MYH4: variants seen among roughly 807,000 people sequenced by gnomAD.
MYH4 encodes myosin heavy chain 4, also known as myosin-4.
In MYH4, 200 loss-of-function variants were observed where a neutral mutation model predicts 229.9. The ratio of observed to expected loss-of-function variants is 0.87; its 90% CI spans 0.78 to 0.98. The LOEUF is 0.98. MYH4 is among the 50% of genes least tolerant of loss of function. The pLI is 0.00. For missense variants in MYH4, 2,148 were observed against 2,332.6 expected, an observed-to-expected ratio of 0.92 and a Z score of 1.63; for synonymous variants, 761 against 834.6, an observed-to-expected ratio of 0.91 and a Z score of 1.52.
At chr17:10,452,637 A>C in intron 25 of MYH4, 131 bp from the exon 26 acceptor site, 1 of 1,223,200 alleles carries the variant, frequency 8.2e-7, no homozygotes, top group Non-Finnish European at 1.1e-6. Context: ...CAGATTAATA[A>C]TTGTATTAGT....
intron 36 of MYH4, 24 bp downstream of exon 36, chr17:10,445,213 A>G: frequency 1.2e-6 from 2 of 1,614,154 alleles, no homozygotes; most frequent in Non-Finnish European, 1.7e-6. Context: ...ATGTGTCAGT[A>G]AGACAAATGC....
chr17:10,460,801 G>T (rs1177894904), intron 12 of MYH4, 115 bp downstream of exon 12: 2 of 1,065,764 alleles, frequency 1.9e-6, no homozygotes, highest in Non-Finnish European at 2.7e-6. Flanking sequence ...TTTCCTTCTC[G>T]TAATACTTTT....
Position 10,461,242 on chromosome 17 carries a change from C to A in MYH4, c.1009-188G>T, listed in dbSNP as rs115199017. Among the ~76,000 whole-genome samples, 543 of 152,222 alleles carry A rather than the reference C, an allele frequency of 3.6e-3. 6 individuals carry two copies. The highest frequency in any genetic ancestry group is 0.012 in the African/African-American group (507 of 41,526). ...CATGGCAACACGAAGAGGTATGCAT[C>A]AGTCTTTCCATTTGAGTCATGAGTC... On this transcript the variant is annotated intron_variant, in intron 11 of 39. Coordinates refer to ENST00000255381, the MANE Select transcript of MYH4 (RefSeq NM_017533.2).
rs912799280 is a variant in MYH4, at chr17:10,463,394, A to G, written c.749T>C (p.Phe250Ser). The G allele has an allele frequency of 1.3e-5, 21 of 1,612,518 alleles. No homozygotes were observed. The highest frequency in any genetic ancestry group is 1.7e-5 in the Admixed American group (1 of 59,820). ...RNDNSSRFGK[F>S]IRIHFGATGK... ...TGTGGCACCAAAATGGATCCTGATG[A>G]ATTTACCCTTAAAAAAGAAAAGGAG... The change falls in exon 9 of 40, where the codon TTC (phenylalanine) becomes TCC (serine). Residue 250 changes from phenylalanine to serine, a missense_variant. Transcript: ENST00000255381.
chr17:10,460,834 G>A, intron 12 of MYH4, 82 bp downstream of exon 12: 2 of 1,494,870 alleles, frequency 1.3e-6, no homozygotes, highest in Non-Finnish European at 1.8e-6. Flanking sequence ...CTAGGTCAGA[G>A]AAAGTAAAAA....
In MYH4 at chr17:10,452,187, C is replaced by T. The variant is rs200035231; in HGVS notation, c.3492G>A (p.Gln1164=). 1.2e-6 allele frequency: 2 copies of T among 1,613,922 alleles called. No individual in the cohort carries two copies. Among genetic ancestry groups the T allele is most frequent in the Admixed American group, 3.3e-5 (2 of 60,026 alleles). ...LEEAGGATSA[Q]IEMNKKREAE... ...CCTCCCGCTTCTTGTTCATCTCAAT[C>T]TGGGCTGAAGTGGCCCCACCGGCTT... is the stretch of plus-strand genomic sequence containing the variant. Residue 1164 remains glutamine (Q), a synonymous_variant, in exon 27 of 40, where the codon CAG becomes CAA. Transcript: ENST00000255381.
chr17:10,445,662 T>C (rs2072504234), intron 35 of MYH4, among the ~76,000 whole-genome samples: 1 of 152,080 alleles, frequency 6.6e-6, no homozygotes, highest in Admixed American at 6.5e-5. Context: ...ACACCACAGC[T>C]CATTTAAAAT....
Position 10,467,927 on chromosome 17 carries a change from C to T in MYH4, c.-39-1143G>A, listed in dbSNP as rs149232359. Among the ~76,000 whole-genome samples, 540 of 152,276 alleles carry T rather than the reference C, an allele frequency of 3.5e-3. 4 individuals carry two copies. The highest frequency in any genetic ancestry group is 0.012 in the African/African-American group (484 of 41,546). The stretch of plus-strand genomic sequence containing the variant: ...CCAATGACAATGACAGCAATGATGG[C>T]GACAACAGCAATAGCCACCACCTTC... On this transcript the variant is annotated intron_variant, in intron 2 of 39. Transcript: ENST00000255381.
In MYH4 at chr17:10,444,970, A is replaced by T; in HGVS notation, c.5466+6T>A. 2 of 1,613,986 alleles carry T rather than the reference A, an allele frequency of 1.2e-6. No homozygotes were observed. The highest frequency in any genetic ancestry group is 1.7e-6 in the Non-Finnish European group (2 of 1,179,988). On this transcript the variant is annotated splice_donor_region_variant and intron_variant, in intron 37 of 39. Transcript: ENST00000255381. ...CAAGGAATTGAGTGAAGTTGTGGAG[A>T]CCTACCCTGGCCTCCAGTTTCTGGA...
Position 10,453,821 on chromosome 17 carries a change from A to G in MYH4, c.2756T>C (p.Leu919Pro). Residue 919 changes from leucine (L) to proline (P), a missense_variant, in exon 23 of 40, where the codon CTT becomes CCT. Coordinates refer to ENST00000255381, the MANE Select transcript of MYH4 (RefSeq NM_017533.2). ...CDQLIKTKIQ[L>P]EAKIKEVTER... ...AGTTACCTCTTTGATTTTGGCCTCA[A>G]GTTGGATTTTGGTTTTAATCAACTG... 1 of 1,614,090 alleles carries G rather than the reference A, an allele frequency of 6.2e-7. No homozygotes were observed.
At chr17:10,464,823 A>G (rs752377831) in intron 5 of MYH4, 115 bp from the exon 6 acceptor site, 17 of 1,010,168 alleles carry the variant, frequency 1.7e-5, no homozygotes, top group African/African-American at 3.3e-5. Context: ...AAAAATAACT[A>G]TATGAATTTG....
intron 24 of MYH4, 94 bp from the exon 25 acceptor site, chr17:10,453,026 T>C: frequency 1.3e-6 from 2 of 1,584,230 alleles, no homozygotes; most frequent in Non-Finnish European, 1.7e-6. Flanking sequence ...AATTTAAAGA[T>C]ACAACAAATA....
rs764278490 is a variant in MYH4 at position 10,450,916 on chromosome 17, A to G, written c.3866-21T>C. 146 of 1,549,208 alleles carry G rather than the reference A, an allele frequency of 9.4e-5. 1 individual carries two copies. Among genetic ancestry groups the G allele is most frequent in the Non-Finnish European group, 1.3e-4 (142 of 1,121,530 alleles). The stretch of plus-strand genomic sequence containing the variant: ...CTCACCTGTGGAAGACAAAACATCA[A>G]TGATTTAGTTCTGTTGTCTAGGTAA... On this transcript the variant is annotated intron_variant, in intron 28 of 39. Coordinates refer to ENST00000255381, the MANE Select transcript of MYH4 (RefSeq NM_017533.2).
intron 4 of MYH4, among the ~76,000 whole-genome samples, 172 bp from the exon 5 acceptor site, chr17:10,465,770 C>CTTTTTTTT (rs957442606): frequency 1.1e-3 from 106 of 97,978 alleles, no homozygotes; most frequent in East Asian, 2.0e-3. Context: ...TTCAGTTTTT[C>CTTTTTTTT]TTTTTTTTTT....
At position 10,443,480 on chromosome 17, in the gene MYH4, G is replaced by A. The variant is rs199944954; in HGVS notation, c.5715C>T (p.His1905=). ...CCCGTTCCTTGGCCTCCTCCAGCTC[G>A]TGCTGGAGCTTGCGGAACTTGGCAA... ...VNLAKFRKLQ[H]ELEEAKERAD... Residue 1905 remains histidine, a synonymous_variant, in exon 40 of 40, where the codon CAC becomes CAT. Transcript: ENST00000255381. The surrounding 1 kb of genome is among the most constrained non-coding windows in gnomAD (Gnocchi z 4.6). The A allele has an allele frequency of 5.0e-6, 8 of 1,614,052 alleles. No individual in the cohort carries two copies. The highest frequency in any genetic ancestry group is 4.2e-6 in the Non-Finnish European group (5 of 1,179,924).
At chr17:10,459,902 T>C (rs1348908741) in intron 14 of MYH4, 50 bp downstream of exon 14, 1 of 1,612,962 alleles carries the variant, frequency 6.2e-7, no homozygotes, top group East Asian at 2.2e-5. Flanking sequence ...TTTTGTATGC[T>C]CTAACAAGAG....
intron 35 of MYH4, 108 bp from the exon 36 acceptor site, chr17:10,445,470 T>C: frequency 6.9e-7 from 1 of 1,443,088 alleles, no homozygotes; most frequent in South Asian, 1.3e-5. Context: ...AAGAAATGTT[T>C]AGAATAAAAA....
In MYH4 at chr17:10,460,898, A is replaced by G; in HGVS notation, c.1147+18T>C. On this transcript the variant is annotated intron_variant, in intron 12 of 39. Coordinates refer to ENST00000255381, the MANE Select transcript of MYH4 (RefSeq NM_017533.2). Reference sequence around the variant, plus strand: ...ATGTCAGCTTTGTCAAGTGGAAGATACCAACAGGGGGTGGTACCTTCCGTG... The same window carrying G: ...ATGTCAGCTTTGTCAAGTGGAAGATGCCAACAGGGGGTGGTACCTTCCGTG... The G allele has an allele frequency of 6.2e-7, 1 of 1,613,506 alleles. No homozygotes were observed. The highest frequency in any genetic ancestry group is 8.5e-7 in the Non-Finnish European group (1 of 1,179,706).
intron 16 of MYH4, among the ~76,000 whole-genome samples, 193 bp from the exon 17 acceptor site, chr17:10,456,748 T>G (rs2041124): frequency 0.39 from 59,818 of 152,008 alleles, 12,787 homozygotes; most frequent in East Asian, 0.86. Flanking sequence ...GACTTTATAG[T>G]CATTCATGAA....
Sources: allele counts gnomAD v4.1 joint callset (sites outside exome capture counted in the v4.1 genomes callset), GRCh38; gene constraint gnomAD v4.1.1; non-coding constraint Gnocchi (gnomAD v3.1); transcripts MANE v1.5; gene names NCBI Gene and HGNC (gene_info 2026-07-23, HGNC 2026-07-21).